The following MUSK variants were observed in gnomAD, a reference collection of about 807,000 sequenced individuals.
MUSK encodes muscle associated receptor tyrosine kinase, also known as muscle, skeletal receptor tyrosine-protein kinase.
A neutral mutation model predicts 88.7 loss-of-function variants in MUSK; 55 were observed. The observed-to-expected ratio is 0.62, with a 90% CI of 0.50 to 0.78. The LOEUF is 0.78. MUSK is among the 30% of genes least tolerant of loss of function. The probability of loss-of-function intolerance (pLI) is 0.00; values close to 1 mark genes in which losing one functional copy is unlikely to be tolerated. For synonymous variants in MUSK, 387 were observed against 391.9 expected, an observed-to-expected ratio of 0.99 and a Z score of 0.15; for missense variants, 1,015 against 1,074.3, an observed-to-expected ratio of 0.94 and a Z score of 0.77.
At chr9:110,772,017 G>A (rs1021918801) in intron 9 of MUSK, among the ~76,000 whole-genome samples, 22 of 151,176 alleles carry the variant, frequency 1.5e-4, no homozygotes, top group Admixed American at 9.9e-4. Context: ...TACAACAACC[G>A]CTTTACAGTA....
At chr9:110,675,118 A>G (rs1027314071) in intron 1 of MUSK, among the ~76,000 whole-genome samples, 2 of 151,864 alleles carry the variant, frequency 1.3e-5, no homozygotes, top group African/African-American at 4.8e-5. Flanking sequence ...ATCTCCGTCT[A>G]TAGCTGAGAC....
At chr9:110,690,005 T>TATAATATATATTATATATTAATATAAG (rs1386005654) in intron 3 of MUSK, among the ~76,000 whole-genome samples, 1 of 90,136 alleles carries the variant, frequency 1.1e-5, no homozygotes, top group East Asian at 3.4e-4. Flanking sequence ...ATATTATATA[T>TATAATATATATTATATATTAATATAAG]TATAAATATA....
chr9:110,701,442 C>T (rs1286344043), intron 5 of MUSK, among the ~76,000 whole-genome samples: 1 of 151,974 alleles, frequency 6.6e-6, no homozygotes, highest in Non-Finnish European at 1.5e-5. Flanking sequence ...ACCAAATACA[C>T]CTATAATTTC....
At chr9:110,696,345 T>C (rs930356593) in intron 4 of MUSK, among the ~76,000 whole-genome samples, 9 of 152,164 alleles carry the variant, frequency 5.9e-5, no homozygotes, top group Admixed American at 4.6e-4. Flanking sequence ...CCCACATTTA[T>C]TGATAAATTA....
rs2076888924 is a variant in MUSK at position 110,726,725 on chromosome 9, AAAAG to A, written c.629-7524_629-7521del. Reference sequence around the variant, plus strand: ...TTACTTGGCTGATAAAGGAAATAGAAAAAGAGAGAGAGGGAGAGAGTTTTTGTTT... The same window carrying A: ...TTACTTGGCTGATAAAGGAAATAGAAAGAGAGAGGGAGAGAGTTTTTGTTT... On this transcript the variant is annotated intron_variant, in intron 5 of 14. Coordinates refer to ENST00000374448, the MANE Select transcript of MUSK (RefSeq NM_005592.4). 2.0e-5 allele frequency among the ~76,000 whole-genome samples: 3 copies of A among 152,092 alleles called. No homozygotes were observed. In the South Asian group the frequency reaches 6.2e-4, roughly 32 times the overall value.
chr9:110,785,688 A>C lies in MUSK; in HGVS notation c.1748A>C (p.Glu583Ala), dbSNP rs754231881. 24 of 1,608,886 alleles carry C rather than the reference A, an allele frequency of 1.5e-5. No homozygotes were observed. Among genetic ancestry groups the C allele is most frequent in the Non-Finnish European group, 2.0e-5 (24 of 1,176,936 alleles). ...ATTGAATATGTGAGAGACATCGGAG[A>C]GGGAGCGTTTGGAAGGGTGTTTCAA... ...NNIEYVRDIG[E>A]GAFGRVFQAR... The change falls in exon 13 of 15, where the codon GAG becomes GCG. Residue 583 changes from glutamate (E) to alanine (A), a missense_variant. By Grantham distance (107) the Glu-to-Ala change is moderately radical. Coordinates refer to ENST00000374448, the MANE Select transcript of MUSK (RefSeq NM_005592.4).
chr9:110,703,892 C>T (rs188556687), intron 5 of MUSK, among the ~76,000 whole-genome samples: 9 of 152,212 alleles, frequency 5.9e-5, no homozygotes, highest in African/African-American at 2.2e-4. Context: ...TACCAAGTCC[C>T]AATCGGTAAA....
intron 5 of MUSK, among the ~76,000 whole-genome samples, chr9:110,706,832 C>T (rs185089862): frequency 5.0e-4 from 76 of 151,996 alleles, no homozygotes; most frequent in African/African-American, 5.8e-4. Context: ...GGTGAAGCCA[C>T]GTCTCTACTA....
intron 8 of MUSK, among the ~76,000 whole-genome samples, chr9:110,764,603 TTAGATAGATAGATAGA>T (rs57464436): frequency 0.018 from 2,658 of 149,116 alleles, 37 homozygotes; most frequent in Non-Finnish European, 0.027. Context: ...GATAGATAGA[TTAGATAGATAGATAGA>T]TAGATAGATA....
chr9:110,728,770 A>G, intron 5 of MUSK: 2 of 1,466,106 alleles, frequency 1.4e-6, no homozygotes, highest in East Asian at 4.6e-5. Context: ...GCTCTTTTCA[A>G]TTGTTTATTT....
intron 5 of MUSK, among the ~76,000 whole-genome samples, chr9:110,718,567 A>G (rs2076773496): frequency 6.6e-6 from 1 of 152,134 alleles, no homozygotes; most frequent in African/African-American, 2.4e-5. Flanking sequence ...CAAAGCCTCC[A>G]AGAAGTTTAG....
intron 1 of MUSK, among the ~76,000 whole-genome samples, chr9:110,669,576 CAA>C (rs1391984326): frequency 4.6e-5 from 7 of 152,190 alleles, no homozygotes; most frequent in Non-Finnish European, 8.8e-5. Context: ...CAAGAGACTG[CAA>C]AAGTTTTTTT....
At chr9:110,746,047 G>A (rs2077171368) in intron 6 of MUSK, among the ~76,000 whole-genome samples, 1 of 152,108 alleles carries the variant, frequency 6.6e-6, no homozygotes, top group Non-Finnish European at 1.5e-5. Context: ...GCTCCAAAAT[G>A]TCTCATTCTC....
chr9:110,790,368 G>C (rs1422418497), intron 14 of MUSK, among the ~76,000 whole-genome samples: 1 of 152,218 alleles, frequency 6.6e-6, no homozygotes, highest in African/African-American at 2.4e-5. Flanking sequence ...AAGGAACATG[G>C]ATAGAGCTGA....
intron 7 of MUSK, among the ~76,000 whole-genome samples, chr9:110,753,681 C>A (rs2077276657): frequency 6.6e-6 from 1 of 152,062 alleles, no homozygotes; most frequent in Non-Finnish European, 1.5e-5. Context: ...TTGAATCGAC[C>A]TCAGGGTCTA....
chr9:110,729,062 T>C (rs1032343700), intron 5 of MUSK, among the ~76,000 whole-genome samples: 6 of 151,622 alleles, frequency 4.0e-5, no homozygotes, highest in Non-Finnish European at 7.4e-5. Context: ...TAAAAGACTT[T>C]TGGTGGGGGT....
At chr9:110,720,894 T>C (rs2076802655) in intron 5 of MUSK, among the ~76,000 whole-genome samples, 1 of 152,048 alleles carries the variant, frequency 6.6e-6, no homozygotes, top group African/African-American at 2.4e-5. Flanking sequence ...TAATCTACCA[T>C]GATCAAGTGG....
intron 5 of MUSK, among the ~76,000 whole-genome samples, chr9:110,700,494 TAGAC>T (rs925327043): frequency 6.6e-6 from 1 of 151,774 alleles, no homozygotes; most frequent in Non-Finnish European, 1.5e-5. Context: ...TGAAAAAAAA[TAGAC>T]AGGAGGTATT....
chr9:110,781,836 C>T (rs531964196), intron 11 of MUSK, among the ~76,000 whole-genome samples: 1 of 152,110 alleles, frequency 6.6e-6, no homozygotes, highest in Non-Finnish European at 1.5e-5. Flanking sequence ...GGACTCTACC[C>T]TTATTCATTT....
Sources: allele counts gnomAD v4.1 joint callset (sites outside exome capture counted in the v4.1 genomes callset), GRCh38; gene constraint gnomAD v4.1.1; transcripts MANE v1.5; gene names NCBI Gene and HGNC (gene_info 2026-07-23, HGNC 2026-07-21).